Variants in FUS observed in about 807,000 individuals in gnomAD.
The protein encoded by FUS is RNA-binding protein FUS.
Under a neutral mutation model 82.7 loss-of-function variants are expected in FUS, and 5 were observed. That is an observed-to-expected ratio of 0.06 (90% confidence interval 0.03 to 0.13). The LOEUF is 0.13. Among genes scored for constraint, FUS ranks in the 10% least tolerant of loss-of-function variants. The pLI, the probability that FUS is intolerant of heterozygous loss-of-function variation, is 1.00. For missense variants in FUS, 512 were observed against 707.8 expected (o/e 0.72, Z 3.14); for synonymous variants, 281 against 247.4 (o/e 1.14, Z -1.27).
rs774445665 is a variant in FUS at position 31,182,847 on chromosome 16, G to A, written c.190+183G>A. ...TTCTCCTGCCTCAGCCTCCTGAGTAGCTGGGATTACAGGTACCTGCTACCA... is the reference window on the plus strand; with the variant it reads ...TTCTCCTGCCTCAGCCTCCTGAGTAACTGGGATTACAGGTACCTGCTACCA... On this transcript the variant is annotated intron_variant, in intron 3 of 14. Coordinates refer to ENST00000254108, the MANE Select transcript of FUS (RefSeq NM_004960.4). The A allele has an allele frequency of 1.0e-5, 7 of 701,918 alleles. No homozygotes were observed. The Admixed American group carries it at 1.6e-4, about 16-fold the overall frequency. 43.5% of individuals were successfully genotyped at this position (701,918 alleles called of 1,614,324 possible).
intron 6 of FUS, chr16:31,185,785 A>G (rs1432136498): frequency 6.7e-6 from 2 of 298,058 alleles, no homozygotes; most frequent in East Asian, 5.3e-5. Context: ...TCTCCCACCT[A>G]TTTGTTCCAC....
intron 12 of FUS, 137 bp downstream of exon 12, chr16:31,190,535 A>T: frequency 7.2e-7 from 1 of 1,387,988 alleles, no homozygotes; most frequent in South Asian, 1.2e-5. Flanking sequence ...CCAAAAGCTT[A>T]CCTAGGTAAG....
Position 31,187,406 on chromosome 16 carries a change from C to G in FUS, c.799+570C>G, listed in dbSNP as rs1410936981. 2 of 236,008 alleles carry G rather than the reference C, an allele frequency of 8.5e-6. 1 individual carries two copies. The highest frequency in any genetic ancestry group is 4.4e-5 in the African/African-American group (2 of 45,156). 14.6% of individuals were successfully genotyped at this position (236,008 alleles called of 1,614,324 possible). A position where few individuals can be genotyped will look rare whatever the true frequency, so the allele number is the denominator to read the frequency against. On this transcript the variant is annotated intron_variant, in intron 7 of 14. Coordinates refer to ENST00000254108, the MANE Select transcript of FUS (RefSeq NM_004960.4). ...CTAGCTCTGGGAAGGAACATGTGCA[C>G]TACTTCAAGAAAGATTGGAAGCATG... is the stretch of plus-strand genomic sequence containing the variant.
At position 31,184,949 on chromosome 16, in the gene FUS, C is replaced by T; in HGVS notation, c.534C>T (p.Gly178=). The T allele has an allele frequency of 1.2e-6, 2 of 1,613,438 alleles. No homozygotes were observed. The highest frequency in any genetic ancestry group is 8.5e-7 in the Non-Finnish European group (1 of 1,179,886). The change falls in exon 6 of 15, where the codon GGC becomes GGT. Residue 178 remains glycine (G), a synonymous_variant. Coordinates refer to ENST00000254108, the MANE Select transcript of FUS (RefSeq NM_004960.4). ...TTTCTTTTCTCACAGGTAACTATGG[C>T]CAAGATCAATCCTCCATGAGTAGTG... The part of the protein sequence containing the change: ...GGGGGGGGNY[G]QDQSSMSSGG...
At chr16:31,194,565 C>T (rs528100730), downstream of FUS, 3 of 500,076 alleles carry the variant, frequency 6.0e-6, no homozygotes, top group East Asian at 1.4e-4. Flanking sequence ...TTTGGCCTCC[C>T]AGAGTGCTGG....
intron 3 of FUS, 155 bp from the exon 4 acceptor site, chr16:31,183,703 A>C: frequency 1.1e-6 from 1 of 882,342 alleles, no homozygotes; most frequent in Non-Finnish European, 1.9e-6. Context: ...AGGCTTTGAA[A>C]GGAGGGTAAC....
downstream of FUS, chr16:31,193,751 G>T (rs759437134): frequency 3.8e-6 from 2 of 531,460 alleles, no homozygotes; most frequent in South Asian, 3.1e-5. Context: ...TCCCACCTCA[G>T]CCTCCCAAGT....
At chr16:31,181,203 A>T (rs764266007) in intron 1 of FUS, among the ~76,000 whole-genome samples, 2 of 152,308 alleles carry the variant, frequency 1.3e-5, no homozygotes, top group South Asian at 4.1e-4. Context: ...ACGTAAGCCA[A>T]CCACGCCTGG....
downstream of FUS, chr16:31,194,510 C>G (rs1346318611): frequency 2.0e-6 from 1 of 499,448 alleles, no homozygotes; most frequent in South Asian, 1.5e-5. Context: ...GTTGCTCAGG[C>G]TGGTCTGGTC....
intron 5 of FUS, among the ~76,000 whole-genome samples, chr16:31,184,685 C>T (rs1013030941): frequency 4.6e-5 from 7 of 152,002 alleles, no homozygotes; most frequent in East Asian, 1.9e-4. Context: ...CCTTGTGATC[C>T]GCCCGCCTTG....
intron 9 of FUS, 84 bp from the exon 10 acceptor site, chr16:31,189,581 T>C (rs887190183): frequency 2.1e-5 from 34 of 1,590,448 alleles, no homozygotes; most frequent in Non-Finnish European, 2.8e-5. Context: ...TTGGGAATTA[T>C]AAACCTCATG....
At chr16:31,190,718 C>CT in intron 12 of FUS, 24 bp from the exon 13 acceptor site, 2 of 1,602,488 alleles carry the variant, frequency 1.2e-6, no homozygotes, top group Non-Finnish European at 1.7e-6. Flanking sequence ...TCGCTCCAGA[C>CT]TGATTGTCTT....
chr16:31,189,320 G>A (rs1596907714), intron 9 of FUS, 94 bp downstream of exon 9: 2 of 972,118 alleles, frequency 2.1e-6, no homozygotes, highest in East Asian at 4.8e-5. Context: ...GTTGCCAGCA[G>A]TAAAAACAAG....
intron 1 of FUS, among the ~76,000 whole-genome samples, chr16:31,181,453 G>A (rs2079176576): frequency 6.6e-6 from 1 of 152,178 alleles, no homozygotes; most frequent in Non-Finnish European, 1.5e-5. Flanking sequence ...TCCCAGGGCT[G>A]GGGACTCGAG....
downstream of FUS, chr16:31,192,420 C>A (rs1454045918): frequency 3.3e-5 from 17 of 523,042 alleles, no homozygotes; most frequent in Admixed American, 2.9e-4. Flanking sequence ...ATTTTAGTTA[C>A]ACAGAGCGTA....
chr16:31,183,557 C>T (rs2079212996), intron 3 of FUS: 1 of 427,372 alleles, frequency 2.3e-6, no homozygotes, highest in Non-Finnish European at 4.4e-6. Context: ...ACTGCACGCA[C>T]AGCTGCATAT....
downstream of FUS, chr16:31,191,612 TC>T (rs1567479455): frequency 1.3e-6 from 1 of 764,230 alleles, no homozygotes; most frequent in South Asian, 1.5e-5. Context: ...TAAATTTTGT[TC>T]CTCTTCCCCC....
At chr16:31,183,016 T>A (rs1030607939) in intron 3 of FUS, 14 of 357,762 alleles carry the variant, frequency 3.9e-5, no homozygotes, top group South Asian at 3.2e-4. Flanking sequence ...GAATGTTGCT[T>A]TTCTTAAACC....
At chr16:31,180,358 C>A in intron 1 of FUS, 131 bp downstream of exon 1, 1 of 1,188,932 alleles carries the variant, frequency 8.4e-7, no homozygotes, top group Non-Finnish European at 1.2e-6. Context: ...CGGGAAGCCG[C>A]GGAGAAGAGT....
Sources: allele counts gnomAD v4.1 joint callset (sites outside exome capture counted in the v4.1 genomes callset), GRCh38; gene constraint gnomAD v4.1.1; transcripts MANE v1.5; gene names NCBI Gene and HGNC (gene_info 2026-07-23, HGNC 2026-07-21).